The following CYP2C18 variants were observed in gnomAD, a reference collection of about 807,000 sequenced individuals.
CYP2C18 encodes the protein cytochrome P450 family 2 subfamily C member 18, also known as cytochrome P450 2C18.
Under a neutral mutation model 41.3 loss-of-function variants are expected in CYP2C18, and 38 were observed. The ratio of observed to expected loss-of-function variants is 0.92; its 90% CI spans 0.71 to 1.21. CYP2C18 has a LOEUF of 1.21. Ranked by LOEUF, CYP2C18 falls within the 50% of genes most tolerant of loss-of-function variation. CYP2C18 has a pLI of 0.00. For synonymous variants in CYP2C18, 236 were observed against 210.0 expected (o/e 1.12, Z -1.07); for missense variants, 635 against 591.4 (o/e 1.07, Z -0.77).
At chr10:94,687,255 T>C (rs1332692664) in intron 1 of CYP2C18, among the ~76,000 whole-genome samples, 1 of 152,198 alleles carries the variant, frequency 6.6e-6, no homozygotes, top group Non-Finnish European at 1.5e-5. Context: ...ATTTGGGTGA[T>C]TTAAAAAGGT....
intron 1 of CYP2C18, 125 bp downstream of exon 1, chr10:94,684,112 T>C (rs1846839081): frequency 3.2e-6 from 2 of 620,346 alleles, no homozygotes; most frequent in Non-Finnish European, 5.2e-6. Context: ...CAATATTACA[T>C]TTTGATACAT....
intron 3 of CYP2C18, among the ~76,000 whole-genome samples, chr10:94,693,024 A>T (rs998337105): frequency 2.0e-5 from 3 of 151,868 alleles, no homozygotes; most frequent in Admixed American, 1.3e-4. Flanking sequence ...GGGGTGGGGG[A>T]AGGGGGGAGG....
chr10:94,688,613 A>G (rs889571185), intron 3 of CYP2C18, among the ~76,000 whole-genome samples: 2 of 152,146 alleles, frequency 1.3e-5, no homozygotes, highest in Non-Finnish European at 2.9e-5. Flanking sequence ...TGGAGGGTGG[A>G]GGTTTGAAGC....
chr10:94,695,222 C>G (rs1396161154), intron 4 of CYP2C18, 145 bp downstream of exon 4: 1 of 713,312 alleles, frequency 1.4e-6, no homozygotes, highest in Non-Finnish European at 2.3e-6. Flanking sequence ...ATACATGTGC[C>G]ATGGTGGTTT....
chr10:94,706,800 C>G lies in CYP2C18; in HGVS notation c.659C>G (p.Pro220Arg), dbSNP rs776720394. 6.3e-7 allele frequency: 1 copy of G among 1,589,924 alleles called. No individual in the cohort carries two copies. The highest frequency in any genetic ancestry group is 1.8e-5 in the Admixed American group (1 of 56,678). The change falls in exon 5 of 9, where the codon CCT becomes CGT. Residue 220 changes from proline to arginine, a missense_variant. Transcript: ENST00000285979. ...ATCTTTAAGGTCTGCAATAATTTCC[C>G]TGCTCTCATCGATTATCTCCCAGGA... ...SPWIQVCNNF[P>R]ALIDYLPGSH...
chr10:94,690,158 T>C (rs114523566), intron 3 of CYP2C18, among the ~76,000 whole-genome samples: 194 of 152,268 alleles, frequency 1.3e-3, no homozygotes, highest in African/African-American at 4.5e-3. Context: ...GACCTCACCA[T>C]ATCTAAATGG....
intron 5 of CYP2C18, among the ~76,000 whole-genome samples, chr10:94,717,458 T>A (rs988360627): frequency 6.6e-6 from 1 of 152,188 alleles, no homozygotes; most frequent in Non-Finnish European, 1.5e-5. Flanking sequence ...TTTGGCTGGA[T>A]ATGAAATTCT....
intron 3 of CYP2C18, 29 bp from the exon 4 acceptor site, chr10:94,694,864 AGTATTTTATATGTATATTTTAATG>A: frequency 6.4e-7 from 1 of 1,558,568 alleles, no homozygotes; most frequent in African/African-American, 1.4e-5. Flanking sequence ...TCAAAGACAA[AGTATTTTATATGTATATTTTAATG>A]GTAATTTAAA....
intron 7 of CYP2C18, among the ~76,000 whole-genome samples, chr10:94,726,137 A>G (rs1010565286): frequency 6.6e-6 from 1 of 152,166 alleles, no homozygotes; most frequent in African/African-American, 2.4e-5. Context: ...AGACAGAATT[A>G]TGCAACACCT....
intron 6 of CYP2C18, among the ~76,000 whole-genome samples, chr10:94,722,364 A>G (rs183584891): frequency 6.6e-6 from 1 of 152,236 alleles, no homozygotes; most frequent in South Asian, 2.1e-4. Context: ...TCTGCATAAC[A>G]TATTAGCCAC....
At chr10:94,685,904 G>T (rs1458611281) in intron 1 of CYP2C18, among the ~76,000 whole-genome samples, 17 of 152,092 alleles carry the variant, frequency 1.1e-4, no homozygotes, top group South Asian at 2.1e-4. Context: ...CAAATTTTAA[G>T]ATTTTTTTTC....
intron 4 of CYP2C18, among the ~76,000 whole-genome samples, chr10:94,699,811 C>G (rs1847199045): frequency 6.6e-6 from 1 of 152,168 alleles, no homozygotes; most frequent in African/African-American, 2.4e-5. Flanking sequence ...GCAAAATTCA[C>G]AAGCATTCTT....
chr10:94,684,289 G>A (rs1032570047), intron 1 of CYP2C18, among the ~76,000 whole-genome samples: 16 of 152,110 alleles, frequency 1.1e-4, no homozygotes, highest in Admixed American at 5.2e-4. Flanking sequence ...TAGAACACCC[G>A]AGCTTATTCC....
intron 4 of CYP2C18, among the ~76,000 whole-genome samples, chr10:94,697,580 C>A (rs1383432996): frequency 6.6e-6 from 1 of 152,132 alleles, no homozygotes; most frequent in African/African-American, 2.4e-5. Context: ...AACTAACGAG[C>A]AAAATAACCA....
chr10:94,687,957 T>C (rs979809079), intron 2 of CYP2C18, 25 bp downstream of exon 2: 2 of 1,610,044 alleles, frequency 1.2e-6, no homozygotes, highest in Non-Finnish European at 1.7e-6. Context: ...ATCGTGTGTA[T>C]GTGTACATGT....
At chr10:94,724,115 T>C (rs897515755) in intron 6 of CYP2C18, among the ~76,000 whole-genome samples, 4 of 151,864 alleles carry the variant, frequency 2.6e-5, no homozygotes, top group Admixed American at 1.3e-4. Context: ...GTACTGATTA[T>C]CTTGTATGCT....
intron 2 of CYP2C18, 84 bp from the exon 3 acceptor site, chr10:94,688,041 G>T (rs1589790812): frequency 6.2e-7 from 1 of 1,602,738 alleles, no homozygotes; most frequent in East Asian, 2.2e-5. Flanking sequence ...GACAGAACTT[G>T]ACCTGTCCAC....
intron 6 of CYP2C18, among the ~76,000 whole-genome samples, chr10:94,721,317 G>A (rs758180972): frequency 6.6e-6 from 1 of 152,014 alleles, no homozygotes; most frequent in Admixed American, 6.6e-5. Context: ...GCCCAGCCAG[G>A]TATGCTTCTA....
rs551299666 is a variant in CYP2C18, at chr10:94,690,461, A to G, written c.481+2187A>G. ...GAAATGGATAAATTTCTCGACACATACACTCTCCCAAGACTAAACCAGGAA... is the reference window on the plus strand; with the variant it reads ...GAAATGGATAAATTTCTCGACACATGCACTCTCCCAAGACTAAACCAGGAA... On this transcript the variant is annotated intron_variant, in intron 3 of 8. Coordinates refer to ENST00000285979, the MANE Select transcript of CYP2C18 (RefSeq NM_000772.3). Among the ~76,000 whole-genome samples, 6 of 152,338 alleles carry G rather than the reference A, an allele frequency of 3.9e-5. No individual in the cohort carries two copies. The East Asian group carries it at 5.8e-4, about 15-fold the overall frequency.
Sources: gnomAD v4.1 joint callset for allele counts (sites outside exome capture counted in the v4.1 genomes callset) on GRCh38, gnomAD v4.1.1 for gene constraint, MANE v1.5 for transcripts, NCBI Gene and HGNC (gene_info 2026-07-23, HGNC 2026-07-21) for gene names.